The following ATP2B4 variants were observed in gnomAD, a reference collection of about 807,000 sequenced individuals.
The protein encoded by ATP2B4 is ATPase plasma membrane Ca2+ transporting 4, also known as plasma membrane calcium-transporting ATPase 4.
Under a neutral mutation model 110.3 loss-of-function variants are expected in ATP2B4, and 39 were observed. The observed-to-expected ratio is 0.35, with a 90% confidence interval of 0.27 to 0.46. ATP2B4 has a LOEUF of 0.46. Among genes scored for constraint, ATP2B4 ranks in the 20% least tolerant of loss-of-function variants. The pLI, the probability that ATP2B4 is intolerant of heterozygous loss-of-function variation, is 1.00. For synonymous variants in ATP2B4, 538 were observed against 571.7 expected, an observed-to-expected ratio of 0.94 and a Z score of 0.84; for missense variants, 1,135 against 1,530.9, an observed-to-expected ratio of 0.74 and a Z score of 4.32.
chr1:203,670,335 C>G (rs1365154973), intron 1 of ATP2B4, among the ~76,000 whole-genome samples: 1 of 152,162 alleles, frequency 6.6e-6, no homozygotes, highest in Non-Finnish European at 1.5e-5. Flanking sequence ...TGTGCCACCA[C>G]AGGTGGCTAA....
At chr1:203,677,436 C>T (rs936602042) in intron 1 of ATP2B4, among the ~76,000 whole-genome samples, 16 of 152,066 alleles carry the variant, frequency 1.1e-4, no homozygotes, top group Non-Finnish European at 2.1e-4. Context: ...AAAAAGACTA[C>T]GGGTTTTCTG....
At chr1:203,686,260 TC>T (rs1292298410) in intron 2 of ATP2B4, among the ~76,000 whole-genome samples, 29 of 152,266 alleles carry the variant, frequency 1.9e-4, no homozygotes, top group African/African-American at 6.7e-4. Flanking sequence ...CTTTTTCCCT[TC>T]CTATGCTGTT....
intron 1 of ATP2B4, among the ~76,000 whole-genome samples, chr1:203,661,109 T>TAA (rs751761105): frequency 1.4e-5 from 2 of 138,148 alleles, no homozygotes; most frequent in Non-Finnish European, 1.6e-5. Flanking sequence ...AAACTTTGTC[T>TAA]AAAAAAAAAA....
At chr1:203,677,697 C>G (rs1664869158) in intron 1 of ATP2B4, among the ~76,000 whole-genome samples, 1 of 152,192 alleles carries the variant, frequency 6.6e-6, no homozygotes, top group Non-Finnish European at 1.5e-5. Flanking sequence ...CTCCTGACCT[C>G]AGGTGATCCG....
chr1:203,678,727 C>T (rs1011295061), intron 1 of ATP2B4, among the ~76,000 whole-genome samples: 7 of 152,138 alleles, frequency 4.6e-5, no homozygotes, highest in African/African-American at 1.7e-4. Flanking sequence ...TAAAGGGCCT[C>T]TTAGAAGCTT....
rs765368820 is a variant in ATP2B4 at position 203,732,312 on chromosome 1, C to T, written c.3309+4741C>T. Among the ~76,000 whole-genome samples the T allele has an allele frequency of 3.3e-5, 5 of 152,208 alleles. No homozygotes were observed. The East Asian group carries it at 7.7e-4, about 23-fold the overall frequency. ...CACCAACCAAAACCTCTTCCTCCCCCTCCCTCAGTCTAATTGCCGAGTTAC... is the reference window on the plus strand; with the variant it reads ...CACCAACCAAAACCTCTTCCTCCCCTTCCCTCAGTCTAATTGCCGAGTTAC... On this transcript the variant is annotated intron_variant, in intron 20 of 20. Transcript: ENST00000357681.
intron 1 of ATP2B4, among the ~76,000 whole-genome samples, chr1:203,677,404 G>C (rs1197859140): frequency 6.6e-6 from 1 of 152,164 alleles, no homozygotes; most frequent in Non-Finnish European, 1.5e-5. Flanking sequence ...CTTGGAATGA[G>C]GGAGACTGAC....
chr1:203,655,634 A>G (rs1571686909), intron 1 of ATP2B4, among the ~76,000 whole-genome samples: 1 of 152,088 alleles, frequency 6.6e-6, no homozygotes, highest in African/African-American at 2.4e-5. Context: ...CAACATAGCA[A>G]GACTCCATCT....
chr1:203,724,867 GTTTTTTTTTT>G (rs1031319768), intron 19 of ATP2B4, among the ~76,000 whole-genome samples: 2 of 78,404 alleles, frequency 2.6e-5, no homozygotes, highest in African/African-American at 4.5e-5. Context: ...CCAGCTCTCT[GTTTTTTTTTT>G]TTTTTTTTTT....
At chr1:203,671,088 G>C (rs1664647167) in intron 1 of ATP2B4, among the ~76,000 whole-genome samples, 1 of 152,222 alleles carries the variant, frequency 6.6e-6, no homozygotes, top group Non-Finnish European at 1.5e-5. Context: ...AAAGAAGCTG[G>C]AATAAGGTGG....
rs935401245 is a variant in ATP2B4 at position 203,646,933 on chromosome 1, C to T, written c.-465+19714C>T. Among the ~76,000 whole-genome samples the T allele has an allele frequency of 2.0e-5, 3 of 152,016 alleles. No homozygotes were observed. In the East Asian group the frequency reaches 5.8e-4, roughly 29 times the overall value. The stretch of plus-strand genomic sequence containing the variant: ...GTAGTCTCTTTTAGTCTTTTATATA[C>T]GTGGGTGAGTATATACATTTTTTAA... On this transcript the variant is annotated intron_variant, in intron 1 of 20. Transcript: ENST00000357681.
intron 19 of ATP2B4, among the ~76,000 whole-genome samples, chr1:203,726,741 G>A (rs946052753): frequency 2.6e-5 from 4 of 152,018 alleles, no homozygotes; most frequent in East Asian, 1.9e-4. Flanking sequence ...TGAGCTCACC[G>A]GGAAATTTAT....
chr1:203,631,786 T>TTTTGTTTG (rs113936022), intron 1 of ATP2B4, among the ~76,000 whole-genome samples: 1 of 151,962 alleles, frequency 6.6e-6, no homozygotes, highest in Non-Finnish European at 1.5e-5. Flanking sequence ...ACAAGGTGAT[T>TTTTGTTTG]TTTGTTTGTT....
At chr1:203,684,088 A>G (rs957943574) in intron 2 of ATP2B4, among the ~76,000 whole-genome samples, 8 of 151,952 alleles carry the variant, frequency 5.3e-5, no homozygotes, top group African/African-American at 1.9e-4. Flanking sequence ...GTTCTTCTAT[A>G]TGTCTGATTA....
chr1:203,706,526 C>T (rs1240946777), intron 8 of ATP2B4, among the ~76,000 whole-genome samples: 4 of 152,162 alleles, frequency 2.6e-5, no homozygotes, highest in Admixed American at 6.5e-5. Context: ...ACCATAGAGG[C>T]ATTGTTGTAA....
intron 1 of ATP2B4, among the ~76,000 whole-genome samples, chr1:203,638,962 G>A (rs187379660): frequency 2.3e-4 from 35 of 152,292 alleles, no homozygotes; most frequent in African/African-American, 6.5e-4. Context: ...GCTCCTCCTC[G>A]CACACTGGGC....
Position 203,714,199 on chromosome 1 carries a change from C to G in ATP2B4, c.2328C>G (p.His776Gln). The G allele has an allele frequency of 6.2e-7, 1 of 1,614,160 alleles. No homozygotes were observed. Among genetic ancestry groups the G allele is most frequent in the Non-Finnish European group, 8.5e-7 (1 of 1,180,020 alleles). The change falls in exon 15 of 21, where the codon CAC (histidine) becomes CAG (glutamine). Residue 776 changes from histidine (H) to glutamine (Q), a missense_variant. Around this residue, in one of 9 missense-constraint regions of ATP2B4, gnomAD observed 368 missense variants for 455.9 expected, o/e 0.81. Coordinates refer to ENST00000357681, the MANE Select transcript of ATP2B4 (RefSeq NM_001684.5). ...KGIIDSTVGEHRQVVAVTGDG... is the reference protein window; with the variant it reads ...KGIIDSTVGEQRQVVAVTGDG... ...TAATTGACAGCACTGTTGGGGAACA[C>G]CGGCAGGTCGTGGCTGTCACTGGTG...
chr1:203,699,360 T>G (rs1665623720), intron 3 of ATP2B4, 100 bp from the exon 4 acceptor site: 1 of 1,500,296 alleles, frequency 6.7e-7, no homozygotes, highest in Admixed American at 2.0e-5. Flanking sequence ...TATTCACTTT[T>G]CCTGACTTTC....
chr1:203,704,903 G>T (rs1476273714), intron 8 of ATP2B4, among the ~76,000 whole-genome samples: 1 of 152,092 alleles, frequency 6.6e-6, no homozygotes, highest in East Asian at 1.9e-4. Flanking sequence ...TTGTTAAAGT[G>T]TAGATTCAGT....
Sources: gnomAD v4.1 joint callset for allele counts (sites outside exome capture counted in the v4.1 genomes callset) on GRCh38, gnomAD v4.1.1 for gene constraint, gnomAD v4.1.1 regional missense constraint, MANE v1.5 for transcripts, NCBI Gene and HGNC (gene_info 2026-07-23, HGNC 2026-07-21) for gene names.